ACYP2: variants seen among roughly 807,000 people sequenced by gnomAD.
ACYP2 encodes acylphosphatase 2, also known as acylphosphatase-2.
A neutral mutation model predicts 11.2 loss-of-function variants in ACYP2; 12 were observed. That is an observed-to-expected ratio of 1.08 (90% CI 0.69 to 1.74). The LOEUF is 1.74. Ranked by LOEUF, ACYP2 falls within the 40% of genes most tolerant of loss-of-function variation. ACYP2 has a pLI of 0.00. For missense variants in ACYP2, 134 were observed against 101.9 expected, an observed-to-expected ratio of 1.31 and a Z score of -1.35; for synonymous variants, 43 against 32.2, an observed-to-expected ratio of 1.33 and a Z score of -1.13.
intron 2 of ACYP2, among the ~76,000 whole-genome samples, chr2:53,974,622 T>G (rs528335993): frequency 2.6e-5 from 4 of 152,336 alleles, no homozygotes; most frequent in African/African-American, 9.6e-5. Context: ...TTAATGATTT[T>G]TTCCCTAATA....
chr2:54,256,318 C>T (rs898371842), intron 6 of ACYP2: 2 of 690,374 alleles, frequency 2.9e-6, no homozygotes, highest in East Asian at 2.7e-5. Flanking sequence ...CTCAGTCTCG[C>T]GAGTCTGTGG....
chr2:54,075,824 A>T (rs1473775690), intron 4 of ACYP2, among the ~76,000 whole-genome samples: 5 of 152,086 alleles, frequency 3.3e-5, no homozygotes, highest in Admixed American at 1.3e-4. Context: ...AAAAAAAAAA[A>T]TTCTCGTAAT....
intron 2 of ACYP2, among the ~76,000 whole-genome samples, chr2:54,028,348 C>T (rs1182203985): frequency 6.6e-6 from 1 of 152,146 alleles, no homozygotes; most frequent in Non-Finnish European, 1.5e-5. Context: ...GAAACCAATA[C>T]TCCAAAATAT....
chr2:54,281,135 G>C (rs1688831978), intron 6 of ACYP2, among the ~76,000 whole-genome samples: 1 of 152,192 alleles, frequency 6.6e-6, no homozygotes, highest in South Asian at 2.1e-4. Context: ...TTCAAAACCA[G>C]ATTATTCTAT....
At chr2:54,266,590 C>CTTTTTTTTTTTTTTTTTTTTT (rs138812389) in intron 6 of ACYP2, among the ~76,000 whole-genome samples, 3 of 52,270 alleles carry the variant, frequency 5.7e-5, no homozygotes, top group Non-Finnish European at 1.0e-4. Flanking sequence ...ATCTATCTAT[C>CTTTTTTTTTTTTTTTTTTTTT]TTTTTTTTTT....
intron 6 of ACYP2, among the ~76,000 whole-genome samples, chr2:54,155,977 A>G (rs1389902671): frequency 6.6e-6 from 1 of 152,178 alleles, no homozygotes; most frequent in Non-Finnish European, 1.5e-5. Context: ...TTTGTGGCCT[A>G]ACATATATAA....
chr2:54,255,542 G>A (rs532273037), intron 6 of ACYP2: 3 of 1,613,306 alleles, frequency 1.9e-6, no homozygotes, highest in South Asian at 1.1e-5. Flanking sequence ...GACTCCAGGG[G>A]GTTCAGGTGG....
At chr2:54,252,890 C>T (rs972742745) in intron 6 of ACYP2, among the ~76,000 whole-genome samples, 16 of 148,984 alleles carry the variant, frequency 1.1e-4, no homozygotes, top group Non-Finnish European at 2.1e-4. Context: ...GGCGACTGAG[C>T]GAGACTCCGT....
At chr2:54,121,898 A>G (rs568094114) in intron 4 of ACYP2, among the ~76,000 whole-genome samples, 4 of 152,348 alleles carry the variant, frequency 2.6e-5, no homozygotes, top group African/African-American at 9.6e-5. Flanking sequence ...GGTCCTTCAA[A>G]AGTGAACTGA....
At chr2:54,057,422 A>G (rs1676214097) in intron 4 of ACYP2, 1 of 394,492 alleles carries the variant, frequency 2.5e-6, no homozygotes, top group South Asian at 1.3e-4. Context: ...TCATCAGAAC[A>G]TTTTGGTATA....
chr2:54,050,199 A>T (rs1675767839), intron 2 of ACYP2, among the ~76,000 whole-genome samples: 1 of 152,210 alleles, frequency 6.6e-6, no homozygotes. Flanking sequence ...ACAGTCTAAA[A>T]AATGACATTT....
At chr2:54,083,297 C>G (rs1677767651) in intron 4 of ACYP2, among the ~76,000 whole-genome samples, 1 of 152,062 alleles carries the variant, frequency 6.6e-6, no homozygotes, top group African/African-American at 2.4e-5. Context: ...CATTAGCTTC[C>G]CAGACAGAGA....
Position 54,304,828 on chromosome 2 carries a change from G to A in ACYP2, c.*26G>A. 7.8e-7 allele frequency: 1 copy of A among 1,284,480 alleles called. No individual in the cohort carries two copies. The highest frequency in any genetic ancestry group is 1.1e-6 in the Non-Finnish European group (1 of 891,594). 79.6% of individuals were successfully genotyped at this position (1,284,480 alleles called of 1,614,324 possible). On this transcript the variant is annotated 3_prime_UTR_variant, in exon 7 of 7. Transcript: ENST00000607452. ...TAGAAGAGAAAAATTGTAACACACT[G>A]AACAATAGATACTGTATGTTCTTAA...
intron 4 of ACYP2, among the ~76,000 whole-genome samples, chr2:54,105,098 C>T (rs1679086765): frequency 6.6e-6 from 1 of 152,262 alleles, no homozygotes; most frequent in South Asian, 2.1e-4. Flanking sequence ...GAAATTTCCC[C>T]CCAGGAAAAC....
At chr2:54,201,680 T>TCTC (rs1553391443) in intron 6 of ACYP2, among the ~76,000 whole-genome samples, 8 of 107,362 alleles carry the variant, frequency 7.5e-5, no homozygotes, top group Non-Finnish European at 1.2e-4. Context: ...CTTTCTTTCT[T>TCTC]TCTCTCTCTC....
intron 6 of ACYP2, among the ~76,000 whole-genome samples, chr2:54,270,892 A>G (rs1030099047): frequency 1.4e-4 from 22 of 151,844 alleles, no homozygotes; most frequent in Admixed American, 7.2e-4. Context: ...GTTTTTCTGT[A>G]TAATATATAT....
intron 6 of ACYP2, among the ~76,000 whole-genome samples, chr2:54,212,213 G>A (rs1352589432): frequency 8.5e-5 from 13 of 152,058 alleles, no homozygotes; most frequent in Admixed American, 8.5e-4. Context: ...ATTTATTTTG[G>A]GGGATGCAAA....
At chr2:54,257,825 A>G (rs1687622951) in intron 6 of ACYP2, among the ~76,000 whole-genome samples, 1 of 152,208 alleles carries the variant, frequency 6.6e-6, no homozygotes, top group Non-Finnish European at 1.5e-5. Flanking sequence ...ATCAACACGG[A>G]CTGAAATGCA....
chr2:54,111,879 A>G (rs777513700), intron 4 of ACYP2, among the ~76,000 whole-genome samples: 4 of 152,226 alleles, frequency 2.6e-5, no homozygotes, highest in African/African-American at 9.6e-5. Context: ...AACTCTAGCA[A>G]TCACTTTCAA....
Sources: gnomAD v4.1 joint callset for allele counts (sites outside exome capture counted in the v4.1 genomes callset) on GRCh38, gnomAD v4.1.1 for gene constraint, MANE v1.5 for transcripts, NCBI Gene and HGNC (gene_info 2026-07-23, HGNC 2026-07-21) for gene names.